The following BACH1 variants were observed in gnomAD, a reference collection of about 807,000 sequenced individuals.
The protein encoded by BACH1 is transcription regulator protein BACH1.
BACH1 carries 35 observed loss-of-function variants against 52.9 expected under a neutral mutation model. The observed-to-expected ratio is 0.66, with a 90% CI of 0.51 to 0.88. The LOEUF (loss-of-function observed/expected upper bound fraction) is 0.88, where lower values mean the gene tolerates loss of function less well. BACH1 is among the 40% of genes least tolerant of loss of function. The pLI, the probability that BACH1 is intolerant of heterozygous loss-of-function variation, is 0.00. For missense variants in BACH1, 808 were observed against 872.6 expected, an observed-to-expected ratio of 0.93 and a Z score of 0.93; for synonymous variants, 321 against 319.6, an observed-to-expected ratio of 1.00 and a Z score of -0.05.
chr21:29,309,023 C>T (rs1035056449), intron 1 of BACH1, among the ~76,000 whole-genome samples: 3 of 151,954 alleles, frequency 2.0e-5, no homozygotes, highest in African/African-American at 7.3e-5. Flanking sequence ...TATGGGAGGG[C>T]GAGGCAGGCA....
At chr21:29,339,829 T>C (rs1170532616) in intron 4 of BACH1, among the ~76,000 whole-genome samples, 1 of 152,026 alleles carries the variant, frequency 6.6e-6, no homozygotes, top group African/African-American at 2.4e-5. Flanking sequence ...AGAGACAGGG[T>C]TTCACCATGT....
At chr21:29,356,765 A>G (rs2089237157) in intron 2 of BACH1, among the ~76,000 whole-genome samples, 2 of 152,278 alleles carry the variant, frequency 1.3e-5, no homozygotes, top group Non-Finnish European at 2.9e-5. Flanking sequence ...GGTTACAGAG[A>G]AGACCTTCAA....
intron 1 of BACH1, among the ~76,000 whole-genome samples, chr21:29,319,869 A>G (rs1404227360): frequency 6.6e-6 from 1 of 151,662 alleles, no homozygotes; most frequent in Non-Finnish European, 1.5e-5. Flanking sequence ...AAGATATATA[A>G]CTTCTTTGAT....
At chr21:29,303,381 CTG>C (rs2088623552) in intron 1 of BACH1, among the ~76,000 whole-genome samples, 1 of 152,164 alleles carries the variant, frequency 6.6e-6, no homozygotes, top group Admixed American at 6.5e-5. Flanking sequence ...CTATGGCACT[CTG>C]AATGTGCCTT....
At chr21:29,305,711 TC>T (rs1379657920) in intron 1 of BACH1, among the ~76,000 whole-genome samples, 1 of 152,232 alleles carries the variant, frequency 6.6e-6, no homozygotes, top group African/African-American at 2.4e-5. Flanking sequence ...TTCTCTTTTC[TC>T]CCTGTTCCTG....
At chr21:29,348,631 T>G (rs1436235265), downstream of BACH1, among the ~76,000 whole-genome samples, 1 of 152,144 alleles carries the variant, frequency 6.6e-6, no homozygotes, top group Non-Finnish European at 1.5e-5. Context: ...GACACCTTAA[T>G]TTACATTTCC....
chr21:29,330,849 C>T (rs1687628220), intron 4 of BACH1, among the ~76,000 whole-genome samples: 1 of 151,108 alleles, frequency 6.6e-6, no homozygotes, highest in African/African-American at 2.4e-5. Context: ...TGTACATATA[C>T]TTTGTGTAAA....
chr21:29,322,788 T>C (rs1396231750), intron 2 of BACH1, among the ~76,000 whole-genome samples: 3 of 152,318 alleles, frequency 2.0e-5, no homozygotes, highest in African/African-American at 4.8e-5. Context: ...CTGTTAGTTT[T>C]GTAGCAGAGG....
At chr21:29,339,629 G>GTT (rs34979217) in intron 4 of BACH1, among the ~76,000 whole-genome samples, 113 of 98,504 alleles carry the variant, frequency 1.1e-3, no homozygotes, top group Middle Eastern at 6.2e-3. Context: ...AGATGCAAAG[G>GTT]TTTTTTTTTT....
chr21:29,342,510 C>T lies in BACH1; in HGVS notation c.1888C>T (p.Leu630=), dbSNP rs750163222. The part of the protein sequence containing the change: ...LCQKVCKEAA[L]SQEQIQILAK... The stretch of plus-strand genomic sequence containing the variant: ...CCAGAAAGTTTGTAAAGAAGCAGCT[C>T]TGAGTCAAGAACAAATACAGATACT... The change falls in exon 5 of 5, where the codon CTG becomes TTG. Residue 630 remains leucine (L), a synonymous_variant. Coordinates refer to ENST00000286800, the MANE Select transcript of BACH1 (RefSeq NM_001186.4). 4 of 1,614,130 alleles carry T rather than the reference C, an allele frequency of 2.5e-6. No homozygotes were observed. The highest frequency in any genetic ancestry group is 3.4e-6 in the Non-Finnish European group (4 of 1,180,058).
chr21:29,317,257 T>C (rs894163224), intron 1 of BACH1, among the ~76,000 whole-genome samples: 48 of 152,366 alleles, frequency 3.2e-4, no homozygotes, highest in African/African-American at 1.2e-3. Flanking sequence ...GCCAAAAAGT[T>C]GGAGACTGCT....
At position 29,326,037 on chromosome 21, in the gene BACH1, TTTTTA is replaced by T. The variant is rs769099592; in HGVS notation, c.235-17_235-13del. 4.5e-6 allele frequency: 7 copies of T among 1,569,076 alleles called. No homozygotes were observed. Among genetic ancestry groups the T allele is most frequent in the East Asian group, 2.2e-5 (1 of 44,482 alleles). ...AGACAGCTTTCAAATGATGTGTTTG[TTTTTA>T]TTTTGTGTATCAACAGGTGACAGTT... On this transcript the variant is annotated splice_polypyrimidine_tract_variant and intron_variant, in intron 2 of 4. Transcript: ENST00000286800.
intron 1 of BACH1, among the ~76,000 whole-genome samples, chr21:29,308,305 G>A (rs1365698391): frequency 6.6e-6 from 1 of 152,186 alleles, no homozygotes; most frequent in African/African-American, 2.4e-5. Flanking sequence ...TGTATATTGA[G>A]AAACTGTGGC....
chr21:29,308,917 G>A (rs1404243424), intron 1 of BACH1, among the ~76,000 whole-genome samples: 14 of 152,148 alleles, frequency 9.2e-5, no homozygotes, highest in Admixed American at 9.2e-4. Context: ...GTTCCTTTCA[G>A]TGATGCATGA....
rs1445526163 is a variant in BACH1, at chr21:29,313,959, T to C, written c.-60-7262T>C. ...TTGTATTGCATGCTTTAAATAGATA[T>C]GGTTTATTCTATATAAATCATACCT... On this transcript the variant is annotated intron_variant, in intron 1 of 4. Transcript: ENST00000286800. Among the ~76,000 whole-genome samples, 3 of 152,152 alleles carry C rather than the reference T, an allele frequency of 2.0e-5. No individual in the cohort carries two copies. In the East Asian group the frequency reaches 5.8e-4, roughly 29 times the overall value.
rs770157424 is a variant in BACH1, at chr21:29,321,467, A to G, written c.187A>G (p.Ile63Val). 9.9e-6 allele frequency: 16 copies of G among 1,614,226 alleles called. No homozygotes were observed. The highest frequency in any genetic ancestry group is 1.4e-5 in the Non-Finnish European group (16 of 1,180,042). Residue 63 changes from isoleucine to valine, a missense_variant, in exon 2 of 5, where the codon ATC becomes GTC. Ile to Val is a conservative substitution (Grantham distance 29). Coordinates refer to ENST00000286800, the MANE Select transcript of BACH1 (RefSeq NM_001186.4). The stretch of plus-strand genomic sequence containing the variant: ...ATGCAGCAGTTACTTCCACTCAAGA[A>G]TCGTAGGCCAGGCTGATGGAGAGCT... ...AACSSYFHSR[I>V]VGQADGELNI...
intron 2 of BACH1, chr21:29,361,143 G>A (rs2089269458): frequency 6.6e-6 from 1 of 152,206 alleles, no homozygotes; most frequent in South Asian, 2.1e-4. Flanking sequence ...GTTGCTGATG[G>A]CGGCATCCTG....
intron 2 of BACH1, among the ~76,000 whole-genome samples, chr21:29,353,369 C>T (rs1208673608): frequency 5.9e-5 from 9 of 151,724 alleles, no homozygotes; most frequent in Middle Eastern, 3.2e-3. Context: ...ACAGCTAGCA[C>T]GCAATAAGCT....
At position 29,327,011 on chromosome 21, in the gene BACH1, A is replaced by C; in HGVS notation, c.1187A>C (p.His396Pro). 6.2e-7 allele frequency: 1 copy of C among 1,614,030 alleles called. No homozygotes were observed. Among genetic ancestry groups the C allele is most frequent in the Non-Finnish European group, 8.5e-7 (1 of 1,179,992 alleles). The stretch of plus-strand genomic sequence containing the variant: ...AGTGTGGAGCGAGAAGTGGCAGAAC[A>C]CCTAGCAAAAGGCTTCTGGAGTGAC... ...RSSVEREVAEHLAKGFWSDIC... is the reference protein window; with the variant it reads ...RSSVEREVAEPLAKGFWSDIC... Residue 396 changes from histidine to proline, a missense_variant, in exon 3 of 5, where the codon CAC becomes CCC. Transcript: ENST00000286800.
Sources: allele counts gnomAD v4.1 joint callset (sites outside exome capture counted in the v4.1 genomes callset), GRCh38; gene constraint gnomAD v4.1.1; transcripts MANE v1.5; gene names NCBI Gene and HGNC (gene_info 2026-07-23, HGNC 2026-07-21).